SLC35D4: variants seen among roughly 807,000 people sequenced by gnomAD.
The protein encoded by SLC35D4 is solute carrier family 35 member D4, also known as UDP-N-acetylglucosamine transporter SLC35D4.
At chr18:23,422,077 T>C in the SLC35D4 span, among the ~76,000 whole-genome samples, 1 of 152,118 alleles carries the variant, frequency 6.6e-6, no homozygotes, top group East Asian at 1.9e-4. Flanking sequence ...CCGTTCTCAC[T>C]TGGATACTGC....
At chr18:23,277,828 T>G in the SLC35D4 span, among the ~76,000 whole-genome samples, 2,758 of 152,288 alleles carry the variant, frequency 0.018, 80 homozygotes, top group African/African-American at 0.063. Context: ...TAAACTAGGT[T>G]GAGCAGGCCA....
chr18:23,317,772 G>A, the SLC35D4 span, among the ~76,000 whole-genome samples: 3 of 149,662 alleles, frequency 2.0e-5, no homozygotes, highest in African/African-American at 4.9e-5. Context: ...ACGGAGTCTC[G>A]CTCTGTCCCC....
the SLC35D4 span, among the ~76,000 whole-genome samples, chr18:23,432,303 G>A: frequency 2.0e-5 from 3 of 152,106 alleles, no homozygotes; most frequent in Admixed American, 6.6e-5. Flanking sequence ...AAAAAGAAAC[G>A]CAATTCCTCA....
the SLC35D4 span, among the ~76,000 whole-genome samples, chr18:23,280,300 T>A: frequency 6.6e-6 from 1 of 152,224 alleles, no homozygotes; most frequent in African/African-American, 2.4e-5. Flanking sequence ...GCTCCTGCCC[T>A]GGGGCGAGGT....
chr18:23,373,868 G>T, the SLC35D4 span: 6 of 1,232,796 alleles, frequency 4.9e-6, no homozygotes, highest in East Asian at 1.0e-4. Flanking sequence ...ATGAGGCAAA[G>T]ATCCTGCGAG....
the SLC35D4 span, among the ~76,000 whole-genome samples, chr18:23,305,068 C>T: frequency 1.3e-5 from 2 of 152,172 alleles, no homozygotes; most frequent in African/African-American, 4.8e-5. Flanking sequence ...ATACAGCAGT[C>T]ACTCAATAAA....
the SLC35D4 span, among the ~76,000 whole-genome samples, chr18:23,282,294 G>C: frequency 6.6e-6 from 1 of 152,108 alleles, no homozygotes; most frequent in African/African-American, 2.4e-5. Flanking sequence ...TTGGGTGGCA[G>C]GGGAGTTCCT....
the SLC35D4 span, among the ~76,000 whole-genome samples, chr18:23,366,253 G>C: frequency 6.6e-6 from 1 of 152,118 alleles, no homozygotes; most frequent in Non-Finnish European, 1.5e-5. Flanking sequence ...GTTCATCCTT[G>C]GCAATCTCCC....
the SLC35D4 span, among the ~76,000 whole-genome samples, chr18:23,432,826 C>G: frequency 6.6e-6 from 1 of 151,488 alleles, no homozygotes; most frequent in African/African-American, 2.4e-5. Context: ...ACAAAAAATA[C>G]AAAAATTAGC....
the SLC35D4 span, among the ~76,000 whole-genome samples, chr18:23,429,460 G>A: frequency 1.3e-5 from 2 of 152,010 alleles, no homozygotes; most frequent in East Asian, 1.9e-4. Context: ...TCCAACCTCC[G>A]CCTCCCAGGT....
At chr18:23,266,669 T>G in the SLC35D4 span, among the ~76,000 whole-genome samples, 5 of 152,216 alleles carry the variant, frequency 3.3e-5, no homozygotes, top group South Asian at 6.2e-4. Flanking sequence ...TTTTCTGCTT[T>G]CTTGAAACCA....
chr18:23,380,415 C>T, the SLC35D4 span, among the ~76,000 whole-genome samples: 1 of 152,114 alleles, frequency 6.6e-6, no homozygotes, highest in African/African-American at 2.4e-5. Flanking sequence ...GCCCTTTCTC[C>T]TTATCAAACT....
the SLC35D4 span, among the ~76,000 whole-genome samples, chr18:23,246,720 C>T: frequency 2.0e-5 from 3 of 151,816 alleles, no homozygotes; most frequent in South Asian, 4.1e-4. Context: ...TTGAGACAGT[C>T]TCACTCTGTC....
At chr18:23,412,563 C>G in the SLC35D4 span, among the ~76,000 whole-genome samples, 1 of 152,056 alleles carries the variant, frequency 6.6e-6, no homozygotes, top group African/African-American at 2.4e-5. Flanking sequence ...TTTCCTTAGA[C>G]TTTTCTCTTT....
At chr18:23,437,688 T>C in the SLC35D4 span, 1 of 1,334,796 alleles carries the variant, frequency 7.5e-7, no homozygotes, top group South Asian at 1.3e-5. Context: ...AAGAATGAGG[T>C]AAAAAGCAGG....
At chr18:23,276,192 A>AAG in the SLC35D4 span, among the ~76,000 whole-genome samples, 1 of 151,392 alleles carries the variant, frequency 6.6e-6, no homozygotes. Flanking sequence ...GGTTCACGCC[A>AAG]TTCTCCTGCC....
chr18:23,261,176 TA>T, the SLC35D4 span, among the ~76,000 whole-genome samples: 1 of 152,136 alleles, frequency 6.6e-6, no homozygotes, highest in Non-Finnish European at 1.5e-5. Flanking sequence ...TCAATACACC[TA>T]GTACGGCTAG....
At chr18:23,267,729 C>T in the SLC35D4 span, among the ~76,000 whole-genome samples, 35 of 152,296 alleles carry the variant, frequency 2.3e-4, no homozygotes, top group Middle Eastern at 3.4e-3. Flanking sequence ...CCTTCCTTAG[C>T]GCTCCCTTAG....
the SLC35D4 span, among the ~76,000 whole-genome samples, chr18:23,376,354 G>A: frequency 1.3e-5 from 2 of 152,350 alleles, no homozygotes; most frequent in East Asian, 3.9e-4. Context: ...CTGACCGGCT[G>A]GGCCAGAGGC....
Sources: allele counts gnomAD v4.1 joint callset (sites outside exome capture counted in the v4.1 genomes callset), GRCh38; gene constraint gnomAD v4.1.1; transcripts MANE v1.5; gene names NCBI Gene and HGNC (gene_info 2026-07-23, HGNC 2026-07-21).